GRIP1: variants seen among roughly 807,000 people sequenced by gnomAD.
GRIP1 encodes the protein glutamate receptor interacting protein 1, also known as glutamate receptor-interacting protein 1.
In GRIP1, 45 loss-of-function variants were observed where a neutral mutation model predicts 129.9. That is an observed-to-expected ratio of 0.35 (90% CI 0.27 to 0.44). The LOEUF (loss-of-function observed/expected upper bound fraction) is 0.44, where lower values mean the gene tolerates loss of function less well. Among genes scored for constraint, GRIP1 ranks in the 20% least tolerant of loss-of-function variants. The pLI, the probability that GRIP1 is intolerant of heterozygous loss-of-function variation, is 1.00. For synonymous variants in GRIP1, 530 were observed against 520.8 expected, an observed-to-expected ratio of 1.02 and a Z score of -0.24; for missense variants, 1,196 against 1,396.8, an observed-to-expected ratio of 0.86 and a Z score of 2.29.
intron 1 of GRIP1, among the ~76,000 whole-genome samples, chr12:67,048,858 C>T (rs1014536030): frequency 8.5e-5 from 13 of 152,192 alleles, no homozygotes; most frequent in African/African-American, 3.1e-4. Flanking sequence ...TTGCCTTCCA[C>T]CATGATCGTG....
intron 1 of GRIP1, among the ~76,000 whole-genome samples, chr12:66,655,776 A>T (rs1370961740): frequency 1.3e-5 from 2 of 151,872 alleles, no homozygotes; most frequent in Non-Finnish European, 2.9e-5. Flanking sequence ...CGCCCAGCTA[A>T]TTATTTGTAT....
intron 14 of GRIP1, among the ~76,000 whole-genome samples, chr12:66,432,317 T>C (rs886530328): frequency 2.0e-5 from 3 of 152,176 alleles, no homozygotes; most frequent in Non-Finnish European, 2.9e-5. Context: ...TTTCTAGCTA[T>C]CCTTATTTTC....
At chr12:66,452,124 T>C (rs139548177) in intron 11 of GRIP1, among the ~76,000 whole-genome samples, 9 of 152,346 alleles carry the variant, frequency 5.9e-5, no homozygotes, top group Admixed American at 1.3e-4. Flanking sequence ...GTCTCTACAC[T>C]GGCCCAGGGT....
intron 7 of GRIP1, among the ~76,000 whole-genome samples, chr12:66,491,411 A>G (rs1400214849): frequency 6.6e-6 from 1 of 152,234 alleles, no homozygotes; most frequent in African/African-American, 2.4e-5. Flanking sequence ...GAACTGAATG[A>G]TGATTACACA....
intron 11 of GRIP1, 37 bp from the exon 12 acceptor site, chr12:66,445,545 G>A (rs571662941): frequency 2.0e-6 from 3 of 1,503,344 alleles, no homozygotes; most frequent in Admixed American, 3.5e-5. Context: ...CTTTAGGTTG[G>A]AGCAAGCACC....
intron 7 of GRIP1, among the ~76,000 whole-genome samples, chr12:66,472,748 G>C (rs12581152): frequency 0.22 from 33,630 of 152,030 alleles, 4,297 homozygotes; most frequent in Middle Eastern, 0.41. Context: ...CCCTTGCCAA[G>C]GGAAGCCATG....
At chr12:66,505,004 C>G (rs1175744048) in intron 7 of GRIP1, among the ~76,000 whole-genome samples, 5 of 152,162 alleles carry the variant, frequency 3.3e-5, no homozygotes, top group African/African-American at 1.2e-4. Flanking sequence ...AGTCCCATGA[C>G]AGGCAGAATT....
intron 1 of GRIP1, among the ~76,000 whole-genome samples, chr12:66,863,538 T>C (rs1021191455): frequency 2.0e-5 from 3 of 151,996 alleles, no homozygotes; most frequent in East Asian, 1.9e-4. Flanking sequence ...GGTGCATTTA[T>C]ATGGAGGAAG....
chr12:66,903,296 ATT>A (rs5798846), intron 1 of GRIP1, among the ~76,000 whole-genome samples: 9 of 143,582 alleles, frequency 6.3e-5, no homozygotes, highest in African/African-American at 1.3e-4. Context: ...GTGCTGCAGT[ATT>A]TTTTTTTTTT....
intron 1 of GRIP1, among the ~76,000 whole-genome samples, chr12:66,878,048 G>C (rs1171626153): frequency 6.6e-6 from 1 of 152,032 alleles, no homozygotes; most frequent in Non-Finnish European, 1.5e-5. Context: ...CAAGAGTTCA[G>C]AACTCTTTAC....
At chr12:66,510,207 T>C (rs1258215650) in intron 7 of GRIP1, among the ~76,000 whole-genome samples, 1 of 152,186 alleles carries the variant, frequency 6.6e-6, no homozygotes, top group Admixed American at 6.5e-5. Context: ...ACTACCATTT[T>C]ACACAGGAAA....
chr12:66,995,636 T>C (rs975208856), intron 1 of GRIP1, among the ~76,000 whole-genome samples: 1 of 152,126 alleles, frequency 6.6e-6, no homozygotes, highest in Non-Finnish European at 1.5e-5. Context: ...AAAGCCACAA[T>C]GAAGTACTAG....
rs565694401 is a variant in GRIP1 at position 66,605,064 on chromosome 12, T to C, written c.56-8137A>G. ...TTCAGAAGTCACTTATATATATATA[T>C]ACATATATATATATTCACAATTTGG... On this transcript the variant is annotated intron_variant, in intron 1 of 24. Coordinates refer to ENST00000359742, the MANE Select transcript of GRIP1 (RefSeq NM_001366722.1). Among the ~76,000 whole-genome samples, 5 of 129,926 alleles carry C rather than the reference T, an allele frequency of 3.8e-5. No homozygotes were observed. In the South Asian group the frequency reaches 1.1e-3, roughly 29 times the overall value. The allele number at this position is 129,926 out of a possible 152,430, so 85.2% of individuals were successfully genotyped here.
intron 1 of GRIP1, among the ~76,000 whole-genome samples, chr12:66,619,580 GA>G (rs930367971): frequency 4.9e-4 from 74 of 151,810 alleles, no homozygotes; most frequent in African/African-American, 1.7e-3. Context: ...AGAAGTAAAA[GA>G]AAAAAGGGCC....
intron 1 of GRIP1, among the ~76,000 whole-genome samples, chr12:66,815,125 ATTTGT>A (rs938940018): frequency 1.3e-5 from 2 of 152,212 alleles, no homozygotes; most frequent in East Asian, 3.8e-4. Flanking sequence ...TTTCATACAA[ATTTGT>A]TTTGTTTAAG....
intron 23 of GRIP1, among the ~76,000 whole-genome samples, chr12:66,364,790 G>C (rs1017722018): frequency 6.6e-6 from 1 of 151,840 alleles, no homozygotes; most frequent in African/African-American, 2.4e-5. Context: ...TAATCAAAAG[G>C]CTCAAAAGAA....
rs561497661 is a variant in GRIP1 at position 66,429,331 on chromosome 12, G to A, written c.1768+3217C>T. On this transcript the variant is annotated intron_variant, in intron 14 of 24. Coordinates refer to ENST00000359742, the MANE Select transcript of GRIP1 (RefSeq NM_001366722.1). ...CACCTCGGTTTCACTAACAGTATCCGTGTGTGTCTGAGAAGAGGGTTCCCA... is the reference window on the plus strand; with the variant it reads ...CACCTCGGTTTCACTAACAGTATCCATGTGTGTCTGAGAAGAGGGTTCCCA... 7.9e-5 allele frequency among the ~76,000 whole-genome samples: 12 copies of A among 152,242 alleles called. 1 individual carries two copies. Among genetic ancestry groups the A allele is most frequent in the African/African-American group, 1.9e-4 (8 of 41,546 alleles).
chr12:66,602,320 GC>G (rs1310870080), intron 1 of GRIP1, among the ~76,000 whole-genome samples: 1 of 152,088 alleles, frequency 6.6e-6, no homozygotes, highest in Admixed American at 6.6e-5. Context: ...AACTGTTAAG[GC>G]TTTTTGACAA....
At chr12:66,637,232 T>TA (rs1253372305) in intron 1 of GRIP1, among the ~76,000 whole-genome samples, 1 of 151,660 alleles carries the variant, frequency 6.6e-6, no homozygotes, top group Non-Finnish European at 1.5e-5. Flanking sequence ...AAATAAATAA[T>TA]AAAAAAAGAT....
Sources: gnomAD v4.1 joint callset for allele counts (sites outside exome capture counted in the v4.1 genomes callset) on GRCh38, gnomAD v4.1.1 for gene constraint, MANE v1.5 for transcripts, NCBI Gene and HGNC (gene_info 2026-07-23, HGNC 2026-07-21) for gene names.